Variants in GNAO1 observed in about 807,000 individuals in gnomAD.
GNAO1 encodes the protein G protein subunit alpha o1, also known as guanine nucleotide-binding protein G(o) subunit alpha.
For missense variants in GNAO1, 166 were observed against 478.7 expected (o/e 0.35, Z 6.10); for synonymous variants, 164 against 180.7 (o/e 0.91, Z 0.74).
intron 3 of GNAO1, among the ~76,000 whole-genome samples, chr16:56,319,046 C>T (rs1408410624): frequency 1.3e-5 from 2 of 152,204 alleles, no homozygotes; most frequent in East Asian, 3.8e-4. Flanking sequence ...ATATCCTTGG[C>T]ACCTCATCCC....
chr16:56,294,880 T>C (rs1304559367), intron 3 of GNAO1, among the ~76,000 whole-genome samples: 1 of 148,174 alleles, frequency 6.7e-6, no homozygotes, highest in East Asian at 2.0e-4. Context: ...TGGCACCTTT[T>C]AACATACTTT....
intron 2 of GNAO1, among the ~76,000 whole-genome samples, chr16:56,213,121 C>A (rs1036526909): frequency 1.4e-4 from 21 of 152,240 alleles, no homozygotes; most frequent in Admixed American, 1.3e-3. Context: ...TCAAGACCCG[C>A]TCTAGGAATT....
At chr16:56,251,304 C>T (rs2036797727) in intron 2 of GNAO1, among the ~76,000 whole-genome samples, 1 of 152,220 alleles carries the variant, frequency 6.6e-6, no homozygotes, top group Admixed American at 6.5e-5. Context: ...TTGCCCATTA[C>T]ACTGATGACT....
intron 6 of GNAO1, chr16:56,347,100 C>T: frequency 5.1e-6 from 5 of 985,454 alleles, no homozygotes; most frequent in Non-Finnish European, 6.0e-6. Flanking sequence ...ATTGCAGTCC[C>T]AGGTGGATAT....
chr16:56,220,014 A>AT (rs2036469515), intron 2 of GNAO1, among the ~76,000 whole-genome samples: 2 of 152,220 alleles, frequency 1.3e-5, no homozygotes, highest in Admixed American at 6.5e-5. Context: ...GAGTGGAACC[A>AT]TAGCCCCAGA....
intron 6 of GNAO1, chr16:56,344,042 G>A (rs1224572612): frequency 3.9e-6 from 6 of 1,549,430 alleles, no homozygotes; most frequent in Non-Finnish European, 5.2e-6. Flanking sequence ...ACCACTCTTT[G>A]CACTTGAGGA....
chr16:56,303,257 C>T (rs765539455), intron 3 of GNAO1, among the ~76,000 whole-genome samples: 7 of 152,168 alleles, frequency 4.6e-5, no homozygotes, highest in Non-Finnish European at 8.8e-5. Context: ...ATCACTCCTG[C>T]CCCAGAGGAA....
At chr16:56,251,656 T>G (rs2036800993) in intron 2 of GNAO1, among the ~76,000 whole-genome samples, 1 of 152,180 alleles carries the variant, frequency 6.6e-6, no homozygotes, top group South Asian at 2.1e-4. Context: ...CTCTCCAGCC[T>G]CACCTTCCTC....
chr16:56,347,721 A>G lies in GNAO1; in HGVS notation c.724-3663A>G, dbSNP rs371175936. 3.8e-4 allele frequency: 378 copies of G among 985,240 alleles called. 6 individuals are homozygous for G. In the South Asian group the frequency reaches 0.015, roughly 38 times the overall value. 61.0% of individuals were successfully genotyped at this position (985,240 alleles called of 1,614,324 possible). Reference sequence around the variant, plus strand: ...TCCTGGCAGAGCACCACTTCCTGGCAGTGCAGCTCCGAGGCACCACTACTG... The same window carrying G: ...TCCTGGCAGAGCACCACTTCCTGGCGGTGCAGCTCCGAGGCACCACTACTG... On this transcript the variant is annotated intron_variant, in intron 6 of 8. Transcript: ENST00000262493.
At chr16:56,264,618 A>G (rs574480236) in intron 2 of GNAO1, among the ~76,000 whole-genome samples, 10 of 152,052 alleles carry the variant, frequency 6.6e-5, no homozygotes, top group South Asian at 2.1e-4. Context: ...TTTTGTACCA[A>G]TCATTCCTCT....
intron 2 of GNAO1, among the ~76,000 whole-genome samples, chr16:56,241,942 AAAGCCCTGGCCTCAG>A (rs2036697772): frequency 6.6e-6 from 1 of 152,232 alleles, no homozygotes; most frequent in South Asian, 2.1e-4. Flanking sequence ...GGGAAGATGA[AAAGCCCTGGCCTCAG>A]AAGCCCTGTA....
chr16:56,192,726 G>GCACA lies in GNAO1; in HGVS notation c.161+132_161+135dup, dbSNP rs60037687. On this transcript the variant is annotated intron_variant, in intron 2 of 8. Coordinates refer to ENST00000262493, the MANE Select transcript of GNAO1 (RefSeq NM_020988.3). ...TCTCCAGGCCTGTTTTTTAATTCGTGCACACACACACACACACACACACAC... is the reference window on the plus strand; with the variant it reads ...TCTCCAGGCCTGTTTTTTAATTCGTGCACACACACACACACACACACACACACAC... 0.048 allele frequency: 26,606 copies of GCACA among 559,998 alleles called. 275 individuals are homozygous for GCACA. Among genetic ancestry groups the GCACA allele is most frequent in the South Asian group, 0.061 (3,083 of 50,344 alleles). 34.7% of individuals were successfully genotyped at this position (559,998 alleles called of 1,614,324 possible).
intron 2 of GNAO1, among the ~76,000 whole-genome samples, chr16:56,272,275 C>T (rs1423788676): frequency 1.3e-5 from 2 of 151,874 alleles, no homozygotes; most frequent in Non-Finnish European, 2.9e-5. Context: ...CGCCGCTGCA[C>T]TCCAGCCTGG....
chr16:56,209,926 G>T (rs1347350349), intron 2 of GNAO1, among the ~76,000 whole-genome samples: 1 of 152,036 alleles, frequency 6.6e-6, no homozygotes, highest in Non-Finnish European at 1.5e-5. Flanking sequence ...GTTTACCTTA[G>T]GCTTTACTCT....
intron 6 of GNAO1, among the ~76,000 whole-genome samples, chr16:56,350,473 G>T (rs568647750): frequency 6.6e-6 from 1 of 152,202 alleles, no homozygotes; most frequent in Admixed American, 6.5e-5. Context: ...TGAGCTCAGC[G>T]CCCCAAAGCA....
At chr16:56,200,893 G>C (rs1160980575) in intron 2 of GNAO1, among the ~76,000 whole-genome samples, 1 of 152,206 alleles carries the variant, frequency 6.6e-6, no homozygotes, top group Non-Finnish European at 1.5e-5. Flanking sequence ...AAAAATGGGG[G>C]CCATTTTCAG....
chr16:56,295,147 A>G (rs1214323868), intron 3 of GNAO1, among the ~76,000 whole-genome samples: 1 of 151,702 alleles, frequency 6.6e-6, no homozygotes, highest in Non-Finnish European at 1.5e-5. Flanking sequence ...TCTAGTCCAT[A>G]CCTCCCTTTC....
intron 2 of GNAO1, among the ~76,000 whole-genome samples, chr16:56,232,548 A>G (rs1047554114): frequency 6.6e-6 from 1 of 152,186 alleles, no homozygotes; most frequent in Non-Finnish European, 1.5e-5. Context: ...AAAATCCAAC[A>G]GCTCTTTTTG....
chr16:56,279,429 G>GC (rs2037094375), intron 3 of GNAO1, among the ~76,000 whole-genome samples: 1 of 152,132 alleles, frequency 6.6e-6, no homozygotes, highest in South Asian at 2.1e-4. Context: ...CACACCCCAG[G>GC]CCCCAGCCTC....
Sources: allele counts gnomAD v4.1 joint callset (sites outside exome capture counted in the v4.1 genomes callset), GRCh38; gene constraint gnomAD v4.1.1; transcripts MANE v1.5; gene names NCBI Gene and HGNC (gene_info 2026-07-23, HGNC 2026-07-21).